LMO1: variants seen among roughly 807,000 people sequenced by gnomAD.
LMO1 encodes the protein LIM domain only 1.
In LMO1, 10 loss-of-function variants were observed where a neutral mutation model predicts 18.0. The observed-to-expected ratio is 0.55, with a 90% CI of 0.34 to 0.94. LMO1 has a LOEUF of 0.94. Ranked by LOEUF, LMO1 falls within the 40% of genes least tolerant of loss-of-function variation. The pLI, the probability that LMO1 is intolerant of heterozygous loss-of-function variation, is 0.02. For missense variants in LMO1, 183 were observed against 205.7 expected (o/e 0.89, Z 0.68); for synonymous variants, 77 against 77.9 (o/e 0.99, Z 0.06).
Position 8,263,852 on chromosome 11 carries a change from TC to T in LMO1, c.-491del, listed in dbSNP as rs1847231873. ...GAGATGGGGGAATCTCGTGGCCGTC[TC>T]CCGCTGCCTTTCTCCCTCAATGTAT... On this transcript the variant is annotated 5_prime_UTR_variant, in exon 1 of 4. Coordinates refer to ENST00000335790, the MANE Select transcript of LMO1 (RefSeq NM_002315.3). 3.8e-6 allele frequency: 4 copies of T among 1,044,542 alleles called. No individual in the cohort carries two copies. The South Asian group carries it at 1.4e-4, about 36-fold the overall frequency. The allele number at this position is 1,044,542 out of a possible 1,614,324, so 64.7% of individuals were successfully genotyped here.
Position 8,262,122 on chromosome 11 carries a change from C to T in LMO1, c.25+1216G>A, listed in dbSNP as rs1847196080. Among the ~76,000 whole-genome samples, 3 of 152,348 alleles carry T rather than the reference C, an allele frequency of 2.0e-5. No homozygotes were observed. The South Asian group carries it at 6.2e-4, about 32-fold the overall frequency. ...GCTTTGCATTTTCACCAACTGGCCA[C>T]ATCAATAACAACGCTGCCCCAGGGA... On this transcript the variant is annotated intron_variant, in intron 1 of 3. Transcript: ENST00000335790.
chr11:8,259,288 C>T (rs1461940348), intron 1 of LMO1, among the ~76,000 whole-genome samples: 1 of 152,156 alleles, frequency 6.6e-6, no homozygotes, highest in East Asian at 1.9e-4. Flanking sequence ...GAGAGAAGCA[C>T]CTGCTTCTTC....
At position 8,226,832 on chromosome 11, in the gene LMO1, C is replaced by G. The variant is rs1305532831; in HGVS notation, c.365+143G>C. 5 of 1,391,054 alleles carry G rather than the reference C, an allele frequency of 3.6e-6. No homozygotes were observed. The East Asian group carries it at 7.7e-5, about 22-fold the overall frequency. The allele number at this position is 1,391,054 out of a possible 1,614,324, so 86.2% of individuals were successfully genotyped here. On this transcript the variant is annotated intron_variant, in intron 3 of 3. Coordinates refer to ENST00000335790, the MANE Select transcript of LMO1 (RefSeq NM_002315.3). ...ACACATAAAACACATAAAGCACATG[C>G]ACGCTCATAACCTGCACGCACCACC...
chr11:8,260,877 G>C (rs535763562), intron 1 of LMO1, among the ~76,000 whole-genome samples: 44 of 152,226 alleles, frequency 2.9e-4, no homozygotes, highest in Non-Finnish European at 4.6e-4. Context: ...GCACCCTTTG[G>C]GGGAGCCGGG....
intron 1 of LMO1, among the ~76,000 whole-genome samples, chr11:8,232,294 T>TAATTTC (rs1952678404): frequency 1.3e-5 from 2 of 152,160 alleles, no homozygotes; most frequent in Non-Finnish European, 2.9e-5. Flanking sequence ...GATGACTCTG[T>TAATTTC]CCTCGGGCCT....
At chr11:8,227,134 A>G in intron 2 of LMO1, 34 bp from the exon 3 acceptor site, 1 of 1,591,490 alleles carries the variant, frequency 6.3e-7, no homozygotes, top group Non-Finnish European at 8.6e-7. Flanking sequence ...ACTCAGCAGC[A>G]TTCTGGGAAG....
rs370490882 is a variant in LMO1, at chr11:8,247,926, C to T, written c.25+15412G>A. ...CTTTATGTAGCCACTGTGTTCTCAC[C>T]AACACCTCCTCGGGTGGGCACAGTG... On this transcript the variant is annotated intron_variant, in intron 1 of 3. Coordinates refer to ENST00000335790, the MANE Select transcript of LMO1 (RefSeq NM_002315.3). 1.2e-4 allele frequency among the ~76,000 whole-genome samples: 19 copies of T among 152,336 alleles called. No homozygotes were observed. The East Asian group carries it at 2.9e-3, about 23-fold the overall frequency.
intron 3 of LMO1, 101 bp downstream of exon 3, chr11:8,226,874 C>G (rs1180769376): frequency 2.7e-6 from 4 of 1,462,800 alleles, no homozygotes; most frequent in Non-Finnish European, 3.6e-6. Context: ...ACACACGCAA[C>G]CCGCATTTGC....
intron 1 of LMO1, among the ~76,000 whole-genome samples, chr11:8,253,892 G>A (rs1303476387): frequency 6.6e-6 from 1 of 152,106 alleles, no homozygotes; most frequent in Non-Finnish European, 1.5e-5. Flanking sequence ...CGTTGGTTGA[G>A]TCATAAGTTA....
At chr11:8,248,965 G>T (rs1170591485) in intron 1 of LMO1, among the ~76,000 whole-genome samples, 3 of 152,180 alleles carry the variant, frequency 2.0e-5, no homozygotes, top group African/African-American at 7.2e-5. Flanking sequence ...GCCAAAGCTG[G>T]GCTGGGCAAG....
chr11:8,244,139 A>G (rs12277133), intron 1 of LMO1, among the ~76,000 whole-genome samples: 31,938 of 152,108 alleles, frequency 0.21, 4,735 homozygotes, highest in African/African-American at 0.42. Context: ...CAGGGGCTTC[A>G]CAGGGAGCCC....
upstream of LMO1, chr11:8,268,739 C>A (rs1389338524): frequency 9.4e-6 from 2 of 212,342 alleles, no homozygotes; most frequent in Non-Finnish European, 1.9e-5. Context: ...GGAGCCTGAG[C>A]CGCGCGCGCG....
chr11:8,233,166 C>T (rs1273949055), intron 1 of LMO1, among the ~76,000 whole-genome samples: 1 of 152,196 alleles, frequency 6.6e-6, no homozygotes, highest in Non-Finnish European at 1.5e-5. Context: ...TTATAGAAGC[C>T]ACACAGCTTC....
At chr11:8,244,444 CA>C (rs1442822140) in intron 1 of LMO1, among the ~76,000 whole-genome samples, 45 of 152,364 alleles carry the variant, frequency 3.0e-4, no homozygotes, top group African/African-American at 9.1e-4. Flanking sequence ...GCGGAACCCG[CA>C]TGGCGGGCAC....
chr11:8,262,549 T>C (rs1330144607), intron 1 of LMO1, among the ~76,000 whole-genome samples: 2 of 152,196 alleles, frequency 1.3e-5, no homozygotes, highest in African/African-American at 4.8e-5. Flanking sequence ...CATGGGCTCC[T>C]CTGTTCCGAC....
chr11:8,230,271 G>A lies in LMO1; in HGVS notation c.239+20C>T. On this transcript the variant is annotated intron_variant, in intron 2 of 3. Transcript: ENST00000335790. ...TCTGAGCAGGACAAGGGCTTGGGAG[G>A]CCAGGGTTTGGCAGCCCACCTCAGG... 1 of 1,610,566 alleles carries A rather than the reference G, an allele frequency of 6.2e-7. No individual in the cohort carries two copies. Among genetic ancestry groups the A allele is most frequent in the Non-Finnish European group, 8.5e-7 (1 of 1,178,278 alleles).
intron 1 of LMO1, among the ~76,000 whole-genome samples, chr11:8,254,877 T>A (rs1366199447): frequency 2.0e-5 from 3 of 152,228 alleles, no homozygotes; most frequent in Non-Finnish European, 2.9e-5. Context: ...TCTTGAGCTG[T>A]GGGAGCTGGA....
intron 1 of LMO1, among the ~76,000 whole-genome samples, chr11:8,262,101 T>C (rs576641217): frequency 6.6e-6 from 1 of 152,326 alleles, no homozygotes; most frequent in African/African-American, 2.4e-5. Flanking sequence ...CACTTAGCTT[T>C]GCATTTTCAC....
At chr11:8,237,272 A>G (rs1189808934) in intron 1 of LMO1, among the ~76,000 whole-genome samples, 1 of 152,106 alleles carries the variant, frequency 6.6e-6, no homozygotes, top group East Asian at 1.9e-4. Flanking sequence ...TCCCAAACCA[A>G]GCCTACCAGC....
Sources: allele counts gnomAD v4.1 joint callset (sites outside exome capture counted in the v4.1 genomes callset), GRCh38; gene constraint gnomAD v4.1.1; transcripts MANE v1.5; gene names NCBI Gene and HGNC (gene_info 2026-07-23, HGNC 2026-07-21).